The following PTPRG variants were observed in gnomAD, a reference collection of about 807,000 sequenced individuals.
The protein encoded by PTPRG is protein tyrosine phosphatase receptor type G.
In PTPRG, 102 loss-of-function variants were observed where a neutral mutation model predicts 165.3. The observed-to-expected ratio is 0.62, with a 90% CI of 0.53 to 0.73. PTPRG has a LOEUF of 0.73. PTPRG is among the 30% of genes least tolerant of loss of function. The probability of loss-of-function intolerance (pLI) is 0.00; values close to 1 mark genes in which losing one functional copy is unlikely to be tolerated. For synonymous variants in PTPRG, 675 were observed against 669.5 expected (o/e 1.01, Z -0.13); for missense variants, 1,866 against 1,861.4 (o/e 1.00, Z -0.05).
chr3:62,092,100 A>G (rs1399832258), intron 5 of PTPRG, among the ~76,000 whole-genome samples: 2 of 145,534 alleles, frequency 1.4e-5, no homozygotes, highest in Admixed American at 6.8e-5. Flanking sequence ...ACACACACAC[A>G]CACACACACA....
At chr3:61,848,149 G>A (rs529864416) in intron 2 of PTPRG, among the ~76,000 whole-genome samples, 34 of 152,358 alleles carry the variant, frequency 2.2e-4, no homozygotes, top group Admixed American at 1.0e-3. Flanking sequence ...ATTGGCTGAA[G>A]TGCATGTCCT....
At chr3:62,108,734 A>T (rs1381724923) in intron 5 of PTPRG, among the ~76,000 whole-genome samples, 1 of 152,122 alleles carries the variant, frequency 6.6e-6, no homozygotes, top group Admixed American at 6.5e-5. Context: ...AATGATCCCC[A>T]TTCTAACTGG....
intron 1 of PTPRG, among the ~76,000 whole-genome samples, chr3:61,654,063 T>C (rs1702443256): frequency 6.6e-6 from 1 of 152,176 alleles, no homozygotes; most frequent in East Asian, 1.9e-4. Context: ...CCAGGGCACT[T>C]TGACTTTGAC....
intron 5 of PTPRG, among the ~76,000 whole-genome samples, chr3:62,116,150 A>G (rs1446451934): frequency 1.3e-5 from 2 of 152,164 alleles, no homozygotes; most frequent in Admixed American, 1.3e-4. Flanking sequence ...CCCAGAACCC[A>G]AACCTGAAGG....
intron 7 of PTPRG, among the ~76,000 whole-genome samples, chr3:62,161,821 C>G (rs1195196376): frequency 1.2e-4 from 18 of 152,184 alleles, no homozygotes; most frequent in Non-Finnish European, 7.4e-5. Flanking sequence ...ATTTAATATT[C>G]CATTATCATT....
intron 2 of PTPRG, among the ~76,000 whole-genome samples, chr3:61,912,605 AGCT>A (rs1183448846): frequency 6.6e-6 from 1 of 152,224 alleles, no homozygotes; most frequent in African/African-American, 2.4e-5. Flanking sequence ...AAAGTTGTAT[AGCT>A]GTTTTTTGAT....
rs558967944 is a variant in PTPRG, at chr3:62,203,386, A to G, written c.1591A>G (p.Ser531Gly). The change falls in exon 12 of 30, where the codon AGC becomes GGC. Residue 531 changes from serine to glycine, a missense_variant. Ser to Gly is a moderately conservative substitution (Grantham distance 56). Transcript: ENST00000474889. This position sits in a 1 kb window ranked among gnomAD's most constrained non-coding sequence, Gnocchi z 6.4. Reference sequence around the variant, plus strand: ...CGGTGGTGGCATCTCCTCTTTCCCCAGCACTGTGTGGCCCACGCGCCTCCC... The same window carrying G: ...CGGTGGTGGCATCTCCTCTTTCCCCGGCACTGTGTGGCCCACGCGCCTCCC... Reference protein sequence around the residue: ...FGGGGISSFPSTVWPTRLPTA... With the variant: ...FGGGGISSFPGTVWPTRLPTA... 1 of 1,613,388 alleles carries G rather than the reference A, an allele frequency of 6.2e-7. No homozygotes were observed. The highest frequency in any genetic ancestry group is 1.1e-5 in the South Asian group (1 of 91,034).
At chr3:62,159,447 G>A (rs1472894677) in intron 7 of PTPRG, among the ~76,000 whole-genome samples, 3 of 152,170 alleles carry the variant, frequency 2.0e-5, no homozygotes. Context: ...AGAGAAATAA[G>A]GACCATTAAC....
chr3:61,926,189 G>A (rs1457740660), intron 2 of PTPRG, among the ~76,000 whole-genome samples: 1 of 152,154 alleles, frequency 6.6e-6, no homozygotes, highest in Non-Finnish European at 1.5e-5. Flanking sequence ...GTGGTTGGTA[G>A]CTGATATGGT....
intron 2 of PTPRG, among the ~76,000 whole-genome samples, chr3:61,752,391 A>G (rs866099060): frequency 1.3e-5 from 2 of 152,256 alleles, no homozygotes; most frequent in South Asian, 2.1e-4. Context: ...TGTGACAGAG[A>G]CCTAGAATGT....
chr3:62,289,670 C>G (rs1016642002), intron 28 of PTPRG, among the ~76,000 whole-genome samples: 1 of 148,418 alleles, frequency 6.7e-6, no homozygotes, highest in African/African-American at 2.5e-5. Context: ...TATTGAAAAG[C>G]GTACAATAAA....
chr3:61,841,818 AAAAACAAAAAC>A (rs1273696825), intron 2 of PTPRG, among the ~76,000 whole-genome samples: 1 of 151,270 alleles, frequency 6.6e-6, no homozygotes, highest in African/African-American at 2.5e-5. Flanking sequence ...TCTCAAAAAC[AAAAACAAAAAC>A]AAAACAAAAC....
intron 2 of PTPRG, among the ~76,000 whole-genome samples, chr3:61,784,847 T>G (rs1255188963): frequency 6.6e-6 from 1 of 152,216 alleles, no homozygotes. Context: ...TCTCCGTCTG[T>G]AATTTCTGTG....
intron 1 of PTPRG, among the ~76,000 whole-genome samples, chr3:61,624,060 T>C (rs573931637): frequency 5.3e-5 from 8 of 151,996 alleles, no homozygotes; most frequent in African/African-American, 1.9e-4. Context: ...ATCAAAACCC[T>C]CTCTAATTCC....
In PTPRG at chr3:62,233,109, G is replaced by T. The variant is rs1367918720; in HGVS notation, c.2375+1798G>T. Among the ~76,000 whole-genome samples, 2 of 152,126 alleles carry T rather than the reference G, an allele frequency of 1.3e-5. No homozygotes were observed. The highest frequency in any genetic ancestry group is 4.8e-5 in the African/African-American group (2 of 41,418). The stretch of plus-strand genomic sequence containing the variant: ...CCATTGAGAAGATGAGGAAATTCAG[G>T]CTCTGAGAAGTTGTCACTTGGCTAA... On this transcript the variant is annotated intron_variant, in intron 14 of 29. Transcript: ENST00000474889. This position sits in a 1 kb window ranked among gnomAD's most constrained non-coding sequence, Gnocchi z 4.7.
intron 3 of PTPRG, among the ~76,000 whole-genome samples, chr3:61,993,082 A>G (rs1319755880): frequency 6.6e-6 from 1 of 151,902 alleles, no homozygotes; most frequent in African/African-American, 2.4e-5. Context: ...AACAGTGCAT[A>G]TTAGTGCAGG....
intron 5 of PTPRG, among the ~76,000 whole-genome samples, chr3:62,088,510 C>G (rs1280247786): frequency 1.3e-5 from 2 of 152,226 alleles, no homozygotes; most frequent in Non-Finnish European, 2.9e-5. Context: ...GCAAAACTTG[C>G]ATGCCAAAAT....
chr3:62,136,202 A>G (rs984746179), intron 6 of PTPRG, among the ~76,000 whole-genome samples: 4 of 152,190 alleles, frequency 2.6e-5, no homozygotes, highest in African/African-American at 9.6e-5. Flanking sequence ...GCCTAATCTC[A>G]GTACACCATG....
chr3:61,673,904 C>T lies in PTPRG; in HGVS notation c.86-74974C>T, dbSNP rs147415413. Among the ~76,000 whole-genome samples the T allele has an allele frequency of 7.1e-3, 1,075 of 152,118 alleles. 12 individuals carry two copies. The highest frequency in any genetic ancestry group is 0.024 in the African/African-American group (1,002 of 41,496). ...GTCCTTTTCAGGAACATGGATGAAG[C>T]TGGAAACCCTCATTCTCAGCAAACT... On this transcript the variant is annotated intron_variant, in intron 1 of 29. Coordinates refer to ENST00000474889, the MANE Select transcript of PTPRG (RefSeq NM_002841.4).
Sources: gnomAD v4.1 joint callset for allele counts (sites outside exome capture counted in the v4.1 genomes callset) on GRCh38, gnomAD v4.1.1 for gene constraint, Gnocchi (gnomAD v3.1) non-coding constraint, MANE v1.5 for transcripts, NCBI Gene and HGNC (gene_info 2026-07-23, HGNC 2026-07-21) for gene names.